Variants in ANK3 observed in about 807,000 individuals in gnomAD.
ANK3 encodes the protein ankyrin 3.
In ANK3, 57 loss-of-function variants were observed where a neutral mutation model predicts 370.9. That is an observed-to-expected ratio of 0.15 (90% CI 0.12 to 0.19). The LOEUF is 0.19. Among genes scored for constraint, ANK3 ranks in the 10% least tolerant of loss-of-function variants. The probability of loss-of-function intolerance (pLI) is 1.00; values close to 1 mark genes in which losing one functional copy is unlikely to be tolerated. For missense variants in ANK3, 4,439 were observed against 5,302.1 expected (o/e 0.84, Z 5.06); for synonymous variants, 1,929 against 1,946.3 (o/e 0.99, Z 0.23).
intron 2 of ANK3, chr10:60,507,791 TATA>T (rs1321729180): frequency 6.6e-6 from 1 of 152,056 alleles, no homozygotes; most frequent in Non-Finnish European, 1.5e-5. Flanking sequence ...ATAACAGTCC[TATA>T]ATGTTTTTTA....
chr10:60,437,716 A>G (rs2064193516), intron 2 of ANK3, among the ~76,000 whole-genome samples: 4 of 152,218 alleles, frequency 2.6e-5, no homozygotes, highest in Non-Finnish European at 5.9e-5. Context: ...GAACAGGGAT[A>G]TAAATTTAGT....
chr10:60,196,305 T>G (rs2096584550), intron 15 of ANK3, 62 bp from the exon 16 acceptor site: 1 of 1,443,168 alleles, frequency 6.9e-7, no homozygotes, highest in African/African-American at 1.4e-5. Flanking sequence ...GAGGCTTAGA[T>G]TGAGGAAATG....
chr10:60,616,755 T>A (rs934013821), intron 1 of ANK3, among the ~76,000 whole-genome samples: 1 of 152,166 alleles, frequency 6.6e-6, no homozygotes, highest in Non-Finnish European at 1.5e-5. Context: ...GGCACTTGCG[T>A]ATCATGTGCC....
At chr10:60,060,360 A>G (rs923106154) in intron 40 of ANK3, 3 of 160,340 alleles carry the variant, frequency 1.9e-5, no homozygotes, top group African/African-American at 7.2e-5. Context: ...TACATGAGAT[A>G]CTTATTATCT....
intron 2 of ANK3, among the ~76,000 whole-genome samples, chr10:60,576,503 A>G (rs1171388222): frequency 1.3e-5 from 2 of 152,210 alleles, no homozygotes; most frequent in Non-Finnish European, 2.9e-5. Context: ...TGTTTGACTG[A>G]CATGAAGGTA....
chr10:60,173,269 T>C (rs1241690769), intron 18 of ANK3, 83 bp from the exon 19 acceptor site: 4 of 1,110,170 alleles, frequency 3.6e-6, no homozygotes, highest in Non-Finnish European at 5.1e-6. Flanking sequence ...AAAATCATTA[T>C]TTAACCTTTC....
chr10:60,106,773 T>C (rs2092229924), intron 27 of ANK3, among the ~76,000 whole-genome samples: 1 of 152,138 alleles, frequency 6.6e-6, no homozygotes, highest in East Asian at 1.9e-4. Context: ...TGGCTGCAAA[T>C]TGAACATAGC....
Position 60,643,940 on chromosome 10 carries a change from T to C in ANK3, c.58-28716A>G, listed in dbSNP as rs577980418. Among the ~76,000 whole-genome samples, 8 of 152,290 alleles carry C rather than the reference T, an allele frequency of 5.3e-5. No homozygotes were observed. The East Asian group carries it at 5.8e-4, about 11-fold the overall frequency. ...AGTATCAAAGAGAAAGAAACATAAA[T>C]GTGACAGTGCTATTTGAGTCCCTAT... On this transcript the variant is annotated intron_variant, in intron 1 of 43. Transcript: ENST00000373827.
intron 18 of ANK3, among the ~76,000 whole-genome samples, chr10:60,176,979 T>C (rs2095982573): frequency 6.6e-6 from 1 of 152,168 alleles, no homozygotes; most frequent in Non-Finnish European, 1.5e-5. Flanking sequence ...AAAAATAATC[T>C]TCATTCACTG....
At chr10:60,375,652 C>T (rs779033597) in intron 1 of ANK3, among the ~76,000 whole-genome samples, 2 of 152,212 alleles carry the variant, frequency 1.3e-5, no homozygotes, top group Non-Finnish European at 2.9e-5. Flanking sequence ...AGAACCCAAG[C>T]CTCCTGCCCC....
rs570845180 is a variant in ANK3, at chr10:60,640,467, T to G, written c.58-25243A>C. On this transcript the variant is annotated intron_variant, in intron 1 of 43. Transcript: ENST00000373827. ...GATCAAGTGGGCTTCATCCCTGGGA[T>G]GCAAGGCTAGTTCAATATATGCAAA... Among the ~76,000 whole-genome samples the G allele has an allele frequency of 6.9e-4, 99 of 142,556 alleles. 1 individual carries two copies. The highest frequency in any genetic ancestry group is 1.2e-3 in the Admixed American group (16 of 13,702). The allele number at this position is 142,556 out of a possible 152,430, so 93.5% of individuals were successfully genotyped here.
Position 60,208,039 on chromosome 10 carries a change from G to A in ANK3, c.1191C>T (p.Ala397=). 6.2e-7 allele frequency: 1 copy of A among 1,613,462 alleles called. No homozygotes were observed. Among genetic ancestry groups the A allele is most frequent in the African/African-American group, 1.3e-5 (1 of 75,034 alleles). ...ACTCGCTGGTTGAGCCACTCACCAG[G>A]GCTTTGGCATTGGGGTTAGCTTTCT... ...LDKKANPNAK[A]LNGFTPLHIA... Residue 397 remains alanine, a synonymous_variant, in exon 10 of 44, where the codon GCC becomes GCT. Coordinates refer to ENST00000280772, the MANE Select transcript of ANK3 (RefSeq NM_020987.5).
chr10:60,085,064 A>AT, intron 31 of ANK3, 93 bp downstream of exon 31: 35 of 1,058,284 alleles, frequency 3.3e-5, no homozygotes, highest in Non-Finnish European at 3.8e-5. Context: ...TCTCACAACA[A>AT]TTTTTTTTAG....
intron 28 of ANK3, among the ~76,000 whole-genome samples, chr10:60,091,205 A>G (rs2088290620): frequency 1.3e-5 from 2 of 152,212 alleles, no homozygotes; most frequent in South Asian, 4.1e-4. Flanking sequence ...AGCACCCGGC[A>G]GCATTGCTTA....
intron 1 of ANK3, among the ~76,000 whole-genome samples, chr10:60,384,546 C>A (rs1389637905): frequency 1.3e-5 from 2 of 152,130 alleles, no homozygotes; most frequent in Non-Finnish European, 2.9e-5. Context: ...GTTAGACTGT[C>A]CAAATTGGAA....
At chr10:60,663,653 T>C (rs1250642759) in intron 1 of ANK3, among the ~76,000 whole-genome samples, 1 of 152,214 alleles carries the variant, frequency 6.6e-6, no homozygotes, top group African/African-American at 2.4e-5. Flanking sequence ...ACCTTCATGA[T>C]GGTGTTAAAA....
Position 60,071,745 on chromosome 10 carries a change from T to C in ANK3, c.9136A>G (p.Thr3046Ala). 1.3e-6 allele frequency: 2 copies of C among 1,597,780 alleles called. No homozygotes were observed. The highest frequency in any genetic ancestry group is 1.7e-6 in the Non-Finnish European group (2 of 1,173,912). Residue 3046 changes from threonine to alanine, a missense_variant, in exon 37 of 44, where the codon ACC (threonine) becomes GCC (alanine). By Grantham distance (58) the Thr-to-Ala change is moderately conservative (BLOSUM62 0). Around this residue, in one of 13 missense-constraint regions of ANK3, gnomAD observed 1,601 missense variants for 1,731.7 expected, o/e 0.92. Coordinates refer to ENST00000280772, the MANE Select transcript of ANK3 (RefSeq NM_020987.5). The stretch of plus-strand genomic sequence containing the variant: ...AACTCTAAAGAATCAGGAGATTTGG[T>C]GGGGGAGGTTTCGGTTTCCTCGAGA... ...PPLEETETSP[T>A]KSPDSLEFSP...
chr10:60,134,268 T>C lies in ANK3; in HGVS notation c.2841+3A>G. On this transcript the variant is annotated splice_donor_region_variant and intron_variant, in intron 25 of 43. Transcript: ENST00000280772. Reference sequence around the variant, plus strand: ...CAAAGGCTATTTTGAAAAGAATGCATACCTGCTCTTTGGATGGCACAAGGA... The same window carrying C: ...CAAAGGCTATTTTGAAAAGAATGCACACCTGCTCTTTGGATGGCACAAGGA... 1.2e-6 allele frequency: 2 copies of C among 1,611,996 alleles called. No individual in the cohort carries two copies. Among genetic ancestry groups the C allele is most frequent in the Non-Finnish European group, 1.7e-6 (2 of 1,178,508 alleles).
intron 1 of ANK3, among the ~76,000 whole-genome samples, chr10:60,368,469 T>G (rs1224633168): frequency 6.6e-6 from 1 of 152,158 alleles, no homozygotes; most frequent in Admixed American, 6.5e-5. Flanking sequence ...TTGGCTTTAT[T>G]CATGATGTTT....
Sources: allele counts gnomAD v4.1 joint callset (sites outside exome capture counted in the v4.1 genomes callset), GRCh38; gene constraint gnomAD v4.1.1; regional missense constraint gnomAD v4.1.1; transcripts MANE v1.5; gene names NCBI Gene and HGNC (gene_info 2026-07-23, HGNC 2026-07-21).